KIAA0586: variants seen among roughly 807,000 people sequenced by gnomAD.
KIAA0586 encodes the protein protein TALPID3.
In KIAA0586, 144 loss-of-function variants were observed where a neutral mutation model predicts 169.8. The ratio of observed to expected loss-of-function variants is 0.85; its 90% CI spans 0.74 to 0.97. KIAA0586 has a LOEUF of 0.97. Ranked by LOEUF, KIAA0586 falls within the 50% of genes least tolerant of loss-of-function variation. The probability of loss-of-function intolerance (pLI) is 0.00; values close to 1 mark genes in which losing one functional copy is unlikely to be tolerated. For synonymous variants in KIAA0586, 625 were observed against 612.4 expected, an observed-to-expected ratio of 1.02 and a Z score of -0.30; for missense variants, 1,854 against 1,823.0, an observed-to-expected ratio of 1.02 and a Z score of -0.31.
At position 58,428,300 on chromosome 14, in the gene KIAA0586, A is replaced by C. The variant is rs372215354; in HGVS notation, c.36A>C (p.Lys12Asn). The C allele has an allele frequency of 9.4e-5, 152 of 1,613,810 alleles. 1 individual carries two copies. Among genetic ancestry groups the C allele is most frequent in the Non-Finnish European group, 1.2e-4 (136 of 1,179,870 alleles). The stretch of plus-strand genomic sequence containing the variant: ...CTGAGGTCAGCTTGGAGAAGAAAAA[A>C]AAGATTAAGATGCCAGTGAAGAGAC... ...KGSEVSLEKK[K>N]KIKMPVKRLR... Residue 12 changes from lysine (K) to asparagine (N), a missense_variant, in exon 1 of 31, where the codon AAA becomes AAC. Transcript: ENST00000652326.
chr14:58,446,072 G>A (rs1449954721), intron 6 of KIAA0586, among the ~76,000 whole-genome samples: 1 of 151,370 alleles, frequency 6.6e-6, no homozygotes, highest in Non-Finnish European at 1.5e-5. Context: ...GTTTCACCAT[G>A]TTGGCCAGGT....
downstream of KIAA0586, among the ~76,000 whole-genome samples, chr14:58,555,877 A>C (rs1275265927): frequency 6.6e-6 from 1 of 152,166 alleles, no homozygotes; most frequent in Non-Finnish European, 1.5e-5. Flanking sequence ...GATAGATGTC[A>C]ATTTGATGGA....
rs775873963 is a variant in KIAA0586 at position 58,470,621 on chromosome 14, C to T, written c.2451C>T (p.Pro817=). ...GTTGTATTCTGTTTTAGGTATTACC[C>T]AGTGTAGATATTGACAGCATTTCAA... ...DPPQLTVQVL[P]SVDIDSISNS... is the part of the protein sequence containing the mutation. The change falls in exon 17 of 31, where the codon CCC becomes CCT. Residue 817 remains proline (P), a synonymous_variant. Transcript: ENST00000652326. 4 of 1,584,454 alleles carry T rather than the reference C, an allele frequency of 2.5e-6. No individual in the cohort carries two copies. In the East Asian group the frequency reaches 9.0e-5, roughly 36 times the overall value.
chr14:58,472,460 A>T (rs1046518019), intron 18 of KIAA0586, among the ~76,000 whole-genome samples, 181 bp downstream of exon 18: 1 of 151,956 alleles, frequency 6.6e-6, no homozygotes, highest in South Asian at 2.1e-4. Flanking sequence ...AATCTATATC[A>T]CCTATCTGCC....
At chr14:58,535,444 TA>T (rs1385547420) in intron 29 of KIAA0586, among the ~76,000 whole-genome samples, 3 of 152,258 alleles carry the variant, frequency 2.0e-5, no homozygotes, top group African/African-American at 7.2e-5. Context: ...TAATTGAATG[TA>T]CATTACTCAA....
intron 16 of KIAA0586, among the ~76,000 whole-genome samples, chr14:58,468,221 A>AT (rs1239306142): frequency 7.4e-5 from 11 of 149,252 alleles, no homozygotes; most frequent in East Asian, 4.0e-4. Flanking sequence ...AATTTTTTGT[A>AT]TTTTTTTTTA....
intron 25 of KIAA0586, 144 bp from the exon 26 acceptor site, chr14:58,492,000 G>C: frequency 3.4e-6 from 2 of 590,616 alleles, no homozygotes. Flanking sequence ...ATGAGAACTA[G>C]ATGAAAATAA....
At chr14:58,438,190 T>A (rs1385548992) in intron 4 of KIAA0586, among the ~76,000 whole-genome samples, 1 of 152,172 alleles carries the variant, frequency 6.6e-6, no homozygotes, top group Non-Finnish European at 1.5e-5. Flanking sequence ...TGCTTCTTAA[T>A]GGGAGGGTTA....
chr14:58,502,666 T>C (rs1227496284), intron 27 of KIAA0586, among the ~76,000 whole-genome samples: 2 of 152,194 alleles, frequency 1.3e-5, no homozygotes, highest in Non-Finnish European at 2.9e-5. Context: ...CTAAGCTCAG[T>C]GCTTGGCACA....
intron 4 of KIAA0586, among the ~76,000 whole-genome samples, chr14:58,436,693 G>A (rs1018586421): frequency 7.2e-5 from 11 of 152,098 alleles, no homozygotes; most frequent in African/African-American, 2.7e-4. Flanking sequence ...GTATATGTGT[G>A]TATATACATA....
At chr14:58,471,084 C>T (rs2041181783) in intron 17 of KIAA0586, among the ~76,000 whole-genome samples, 1 of 152,076 alleles carries the variant, frequency 6.6e-6, no homozygotes, top group Non-Finnish European at 1.5e-5. Flanking sequence ...ACTCCTGACT[C>T]CAAGTGATCC....
In KIAA0586 at chr14:58,477,187, C is replaced by T. The variant is rs560446120; in HGVS notation, c.2890C>T (p.Pro964Ser). The T allele has an allele frequency of 1.9e-6, 3 of 1,584,606 alleles. No homozygotes were observed. Among genetic ancestry groups the T allele is most frequent in the East Asian group, 2.3e-5 (1 of 44,044 alleles). ...GLFPVQQQIA[P>S]SISVSVSETS... The stretch of plus-strand genomic sequence containing the variant: ...CTTTCCAGTCCAGCAACAGATTGCA[C>T]CTAGTATCAGTGTTTCAGTCAGTGA... Residue 964 changes from proline to serine, a missense_variant, in exon 20 of 31, where the codon CCT becomes TCT. Pro to Ser is a moderately conservative substitution (Grantham distance 74). Transcript: ENST00000652326.
chr14:58,511,724 C>T (rs564842259), intron 28 of KIAA0586, among the ~76,000 whole-genome samples: 2 of 152,230 alleles, frequency 1.3e-5, no homozygotes, highest in East Asian at 3.9e-4. Context: ...CTAATTTTTA[C>T]CCCTAGATAA....
In KIAA0586 at chr14:58,487,067, C is replaced by T. The variant is rs766060506; in HGVS notation, c.3205C>T (p.Pro1069Ser). The change falls in exon 22 of 31, where the codon CCT (proline) becomes TCT (serine). Residue 1069 changes from proline to serine, a missense_variant. By Grantham distance (74) the Pro-to-Ser change is moderately conservative. Transcript: ENST00000652326. ...TACGCCTCCTTGCTCACCTTCATCA[C>T]CTGCTAAGGAGTGTGTTTTGGTAAA... ...QPTPPCSPSS[P>S]AKECVLVKTP... The T allele has an allele frequency of 4.3e-6, 7 of 1,613,290 alleles. No homozygotes were observed. The highest frequency in any genetic ancestry group is 1.3e-5 in the African/African-American group (1 of 74,906).
At chr14:58,527,678 G>T (rs1450882969) in intron 29 of KIAA0586, among the ~76,000 whole-genome samples, 2 of 152,222 alleles carry the variant, frequency 1.3e-5, no homozygotes, top group Non-Finnish European at 2.9e-5. Flanking sequence ...TCACCACCAG[G>T]CTTGCCTTAC....
the KIAA0586 span, among the ~76,000 whole-genome samples, chr14:58,557,700 T>G: frequency 6.6e-6 from 1 of 151,972 alleles, no homozygotes. Context: ...ACACTACTGG[T>G]GTGAAGCTTC....
rs775658909 is a variant in KIAA0586, at chr14:58,482,469, A to G, written c.2945-44A>G. The G allele has an allele frequency of 3.1e-6, 4 of 1,284,106 alleles. No individual in the cohort carries two copies. The East Asian group carries it at 1.1e-4, about 35-fold the overall frequency. The allele number at this position is 1,284,106 out of a possible 1,614,324, so 79.5% of individuals were successfully genotyped here. Reference sequence around the variant, plus strand: ...AATAATGAAAGTTTGAATTGCAAGCATGTTTCTTGCCCACTTATTCTGATT... The same window carrying G: ...AATAATGAAAGTTTGAATTGCAAGCGTGTTTCTTGCCCACTTATTCTGATT... On this transcript the variant is annotated intron_variant, in intron 20 of 30. Coordinates refer to ENST00000652326, the MANE Select transcript of KIAA0586 (RefSeq NM_001329943.3).
At chr14:58,487,298 C>A in intron 22 of KIAA0586, 132 bp downstream of exon 22, 1 of 804,402 alleles carries the variant, frequency 1.2e-6, no homozygotes, top group Non-Finnish European at 1.9e-6. Context: ...GAATTGATTG[C>A]GACTTCTTAA....
At chr14:58,494,245 A>C (rs769324944) in intron 26 of KIAA0586, among the ~76,000 whole-genome samples, 27 of 148,298 alleles carry the variant, frequency 1.8e-4, no homozygotes, top group Admixed American at 1.3e-3. Context: ...CCCCAATCTG[A>C]TCTGCTAACT....
Sources: gnomAD v4.1 joint callset for allele counts (sites outside exome capture counted in the v4.1 genomes callset) on GRCh38, gnomAD v4.1.1 for gene constraint, MANE v1.5 for transcripts, NCBI Gene and HGNC (gene_info 2026-07-23, HGNC 2026-07-21) for gene names.